Variants in LY86 observed in about 807,000 individuals in gnomAD.
The protein encoded by LY86 is MD-1, RP105-associated.
A neutral mutation model predicts 17.3 loss-of-function variants in LY86; 20 were observed. The observed-to-expected ratio is 1.15, with a 90% confidence interval of 0.81 to 1.68. The LOEUF (loss-of-function observed/expected upper bound fraction) is 1.68. Ranked by LOEUF, LY86 falls within the 40% of genes most tolerant of loss-of-function variation. The pLI, the probability that LY86 is intolerant of heterozygous loss-of-function variation, is 0.00. For missense variants in LY86, 200 were observed against 191.9 expected, an observed-to-expected ratio of 1.04 and a Z score of -0.25; for synonymous variants, 74 against 70.6, an observed-to-expected ratio of 1.05 and a Z score of -0.24.
chr6:6,605,157 T>C (rs1479749192), intron 1 of LY86, among the ~76,000 whole-genome samples: 1 of 152,104 alleles, frequency 6.6e-6, no homozygotes, highest in East Asian at 1.9e-4. Context: ...AGCAACTTTA[T>C]CAATGAATGT....
chr6:6,589,093 T>C (rs1304086854), intron 1 of LY86, among the ~76,000 whole-genome samples: 1 of 151,578 alleles, frequency 6.6e-6, no homozygotes, highest in African/African-American at 2.4e-5. Flanking sequence ...CAACAAAGAG[T>C]ACAAGAAAGA....
intron 1 of LY86, among the ~76,000 whole-genome samples, chr6:6,595,432 G>T (rs73365327): frequency 0.077 from 11,356 of 147,114 alleles, 1,157 homozygotes; most frequent in African/African-American, 0.24. Flanking sequence ...AGAGAAGGGG[G>T]AGGAGGGGGG....
At chr6:6,649,459 T>C (rs747785414) in intron 3 of LY86, among the ~76,000 whole-genome samples, 166 bp from the exon 4 acceptor site, 2 of 152,192 alleles carry the variant, frequency 1.3e-5, no homozygotes, top group Non-Finnish European at 2.9e-5. Context: ...AATGAATAAG[T>C]GAATGAATGG....
intron 3 of LY86, among the ~76,000 whole-genome samples, chr6:6,639,157 T>C (rs56173756): frequency 6.6e-6 from 1 of 152,152 alleles, no homozygotes; most frequent in Non-Finnish European, 1.5e-5. Context: ...ATCATCATTC[T>C]CAGCTCTAAA....
chr6:6,609,194 G>C (rs1761271457), intron 1 of LY86, among the ~76,000 whole-genome samples: 1 of 152,208 alleles, frequency 6.6e-6, no homozygotes, highest in Admixed American at 6.5e-5. Flanking sequence ...GTACAAGCAA[G>C]TTCAGATTTC....
At chr6:6,608,021 T>G (rs1230800786) in intron 1 of LY86, among the ~76,000 whole-genome samples, 2 of 152,236 alleles carry the variant, frequency 1.3e-5, no homozygotes, top group Non-Finnish European at 2.9e-5. Context: ...GTCTGCTCTT[T>G]AAAGAAATAC....
chr6:6,612,212 C>T lies in LY86; in HGVS notation c.137-12714C>T, dbSNP rs369660152. ...TCAAGAACGAAGCCACAGACCCTCA[C>T]AGTTAAGTTCTTCAAGAGGGCGTGT... On this transcript the variant is annotated intron_variant, in intron 1 of 4. Coordinates refer to ENST00000230568, the MANE Select transcript of LY86 (RefSeq NM_004271.4). Among the ~76,000 whole-genome samples, 8 of 152,186 alleles carry T rather than the reference C, an allele frequency of 5.3e-5. No homozygotes were observed. In the East Asian group the frequency reaches 1.2e-3, roughly 22 times the overall value.
chr6:6,628,767 A>G (rs1419406091), intron 3 of LY86, among the ~76,000 whole-genome samples: 1 of 152,248 alleles, frequency 6.6e-6, no homozygotes, highest in Non-Finnish European at 1.5e-5. Flanking sequence ...CTGACATGGC[A>G]AAGAGACCTG....
At chr6:6,623,140 G>A (rs1238177834) in intron 1 of LY86, among the ~76,000 whole-genome samples, 1 of 152,216 alleles carries the variant, frequency 6.6e-6, no homozygotes, top group African/African-American at 2.4e-5. Context: ...GAGAGAATTT[G>A]ATATAGGAAG....
intron 1 of LY86, among the ~76,000 whole-genome samples, chr6:6,592,150 C>T (rs1581227425): frequency 6.6e-6 from 1 of 152,136 alleles, no homozygotes; most frequent in Non-Finnish European, 1.5e-5. Context: ...ACATCATTTC[C>T]GCAGTCTTGA....
At chr6:6,646,300 G>C (rs773715408) in intron 3 of LY86, among the ~76,000 whole-genome samples, 6 of 152,180 alleles carry the variant, frequency 3.9e-5, no homozygotes, top group Non-Finnish European at 8.8e-5. Context: ...ACCCCTGGAC[G>C]TGTGCTCTTA....
intron 1 of LY86, among the ~76,000 whole-genome samples, chr6:6,611,661 C>G (rs937505651): frequency 6.6e-6 from 1 of 152,238 alleles, no homozygotes; most frequent in Non-Finnish European, 1.5e-5. Context: ...TGTTCTCTCA[C>G]CGCACCTTGT....
chr6:6,618,137 G>A (rs574748448), intron 1 of LY86, among the ~76,000 whole-genome samples: 1 of 152,322 alleles, frequency 6.6e-6, no homozygotes, highest in African/African-American at 2.4e-5. Flanking sequence ...CACCGCGCCT[G>A]GCTAGCGCAT....
intron 1 of LY86, among the ~76,000 whole-genome samples, chr6:6,590,591 A>G (rs1760493955): frequency 6.6e-6 from 1 of 152,172 alleles, no homozygotes; most frequent in African/African-American, 2.4e-5. Context: ...AGGGCTCCCA[A>G]GTGGGGAGCA....
chr6:6,592,737 GCTGT>G (rs1371739790), intron 1 of LY86, among the ~76,000 whole-genome samples: 6 of 152,156 alleles, frequency 3.9e-5, no homozygotes, highest in Non-Finnish European at 8.8e-5. Context: ...TGAGAAGGTG[GCTGT>G]CTGTAAACCA....
chr6:6,606,826 G>A (rs1183792170), intron 1 of LY86, among the ~76,000 whole-genome samples: 1 of 152,252 alleles, frequency 6.6e-6, no homozygotes, highest in Admixed American at 6.5e-5. Flanking sequence ...CACCCCGCAA[G>A]CTGAGGGAGC....
At chr6:6,622,676 C>T (rs1299739267) in intron 1 of LY86, 1 of 152,176 alleles carries the variant, frequency 6.6e-6, no homozygotes, top group Non-Finnish European at 1.5e-5. Context: ...ATTTCCATTG[C>T]AGATATCATA....
At chr6:6,606,569 C>T (rs546440812) in intron 1 of LY86, among the ~76,000 whole-genome samples, 3 of 152,152 alleles carry the variant, frequency 2.0e-5, no homozygotes, top group South Asian at 2.1e-4. Flanking sequence ...GCCCACGGAG[C>T]GGGGGGAGGC....
chr6:6,610,987 C>CT (rs1761317411), intron 1 of LY86, among the ~76,000 whole-genome samples: 1 of 152,200 alleles, frequency 6.6e-6, no homozygotes, highest in African/African-American at 2.4e-5. Flanking sequence ...TCTGATACCA[C>CT]TTTAAGCAAT....
Sources: allele counts gnomAD v4.1 joint callset (sites outside exome capture counted in the v4.1 genomes callset), GRCh38; gene constraint gnomAD v4.1.1; transcripts MANE v1.5; gene names NCBI Gene and HGNC (gene_info 2026-07-23, HGNC 2026-07-21).